Variants in PTPRD observed in about 807,000 individuals in gnomAD.
PTPRD encodes the protein receptor-type tyrosine-protein phosphatase delta.
Under a neutral mutation model 214.5 loss-of-function variants are expected in PTPRD, and 34 were observed. The ratio of observed to expected loss-of-function variants is 0.16; its 90% CI spans 0.12 to 0.21. The LOEUF is 0.21. Ranked by LOEUF, PTPRD falls within the 10% of genes least tolerant of loss-of-function variation. The probability of loss-of-function intolerance (pLI) is 1.00; values close to 1 mark genes in which losing one functional copy is unlikely to be tolerated. For synonymous variants in PTPRD, 1,128 were observed against 845.7 expected (o/e 1.33, Z -5.79); for missense variants, 2,545 against 2,398.7 (o/e 1.06, Z -1.27).
intron 10 of PTPRD, among the ~76,000 whole-genome samples, chr9:9,052,282 C>T (rs2099687441): frequency 6.6e-6 from 1 of 152,180 alleles, no homozygotes; most frequent in Admixed American, 6.5e-5. Flanking sequence ...CTAATATCAA[C>T]ATCTTGGGTG....
intron 11 of PTPRD, among the ~76,000 whole-genome samples, chr9:8,765,857 T>C (rs1295581639): frequency 6.6e-6 from 1 of 152,190 alleles, no homozygotes; most frequent in Non-Finnish European, 1.5e-5. Flanking sequence ...AGCTGTTTGA[T>C]ATTGGACAGT....
chr9:9,420,549 G>A (rs746171498), intron 8 of PTPRD, among the ~76,000 whole-genome samples: 2 of 151,842 alleles, frequency 1.3e-5, no homozygotes, highest in Non-Finnish European at 3.0e-5. Context: ...ATAACTTTGG[G>A]TCTAACAATT....
intron 4 of PTPRD, among the ~76,000 whole-genome samples, chr9:9,947,258 C>T (rs2092689723): frequency 8.5e-6 from 1 of 117,998 alleles, no homozygotes; most frequent in African/African-American, 3.3e-5. Context: ...TATCCAAATT[C>T]TTTTCTAGTT....
intron 6 of PTPRD, among the ~76,000 whole-genome samples, chr9:9,751,755 C>T (rs79856333): frequency 0.035 from 5,271 of 152,052 alleles, 128 homozygotes; most frequent in South Asian, 0.054. Flanking sequence ...TAGGAGGGGG[C>T]GTGTCTCATC....
chr9:8,901,758 G>C (rs1897671), intron 11 of PTPRD, among the ~76,000 whole-genome samples: 37,862 of 152,098 alleles, frequency 0.25, 6,880 homozygotes, highest in African/African-American at 0.5. Flanking sequence ...TGTTTCAGAT[G>C]AGCATATTCT....
At chr9:10,161,651 G>A (rs755531052) in intron 3 of PTPRD, among the ~76,000 whole-genome samples, 1 of 151,734 alleles carries the variant, frequency 6.6e-6, no homozygotes, top group Non-Finnish European at 1.5e-5. Context: ...GAATTTTCGT[G>A]TAAGACCACA....
At chr9:10,576,737 C>G (rs1315003034) in intron 2 of PTPRD, among the ~76,000 whole-genome samples, 4 of 152,134 alleles carry the variant, frequency 2.6e-5, no homozygotes, top group South Asian at 2.1e-4. Context: ...TGTTCAATAG[C>G]TCCAAGGGAA....
chr9:10,371,513 C>G (rs2097618443), intron 2 of PTPRD, among the ~76,000 whole-genome samples: 1 of 152,000 alleles, frequency 6.6e-6, no homozygotes, highest in African/African-American at 2.4e-5. Context: ...CTGCTCCAAA[C>G]TGAACAAGTT....
At chr9:9,735,435 G>C (rs1231132534) in intron 6 of PTPRD, among the ~76,000 whole-genome samples, 1 of 152,114 alleles carries the variant, frequency 6.6e-6, no homozygotes, top group Admixed American at 6.6e-5. Context: ...TTCTTTGAAA[G>C]AGAATGGAGA....
At chr9:9,002,422 G>T (rs1047932260) in intron 11 of PTPRD, among the ~76,000 whole-genome samples, 1 of 151,824 alleles carries the variant, frequency 6.6e-6, no homozygotes, top group Admixed American at 6.6e-5. Context: ...TCAACAGACG[G>T]ATACACCACT....
chr9:9,586,439 T>C (rs977011796), intron 7 of PTPRD, among the ~76,000 whole-genome samples: 3 of 152,040 alleles, frequency 2.0e-5, no homozygotes, highest in Non-Finnish European at 4.4e-5. Flanking sequence ...TTGAGTTTTA[T>C]GTACCAGGCA....
chr9:9,415,525 T>A (rs1469763748), intron 8 of PTPRD, among the ~76,000 whole-genome samples: 1 of 152,104 alleles, frequency 6.6e-6, no homozygotes, highest in Non-Finnish European at 1.5e-5. Flanking sequence ...CCCTCTCTAA[T>A]GAGATTTATG....
chr9:9,302,596 T>C (rs1955756716), intron 9 of PTPRD, among the ~76,000 whole-genome samples: 4 of 67,604 alleles, frequency 5.9e-5, no homozygotes, highest in Admixed American at 5.3e-4. Flanking sequence ...TGTAGTTTTT[T>C]TTTTCTTTTT....
At chr9:9,641,279 G>C (rs760599332) in intron 7 of PTPRD, among the ~76,000 whole-genome samples, 65 of 152,162 alleles carry the variant, frequency 4.3e-4, no homozygotes, top group Middle Eastern at 3.2e-3. Context: ...CCTTTCATCA[G>C]CTGAAAATCT....
chr9:8,657,601 C>G (rs2096938068), intron 12 of PTPRD, among the ~76,000 whole-genome samples: 2 of 152,174 alleles, frequency 1.3e-5, no homozygotes, highest in South Asian at 4.1e-4. Context: ...TCCGTTCAGT[C>G]TGGATAATAG....
chr9:9,669,625 TAA>T (rs527399926), intron 7 of PTPRD, among the ~76,000 whole-genome samples: 1 of 152,176 alleles, frequency 6.6e-6, no homozygotes, highest in Non-Finnish European at 1.5e-5. Flanking sequence ...AAATAAATTA[TAA>T]CAGTTAAAAA....
intron 3 of PTPRD, among the ~76,000 whole-genome samples, chr9:10,156,390 T>C (rs1009828034): frequency 6.6e-6 from 1 of 152,152 alleles, no homozygotes; most frequent in African/African-American, 2.4e-5. Context: ...ATTTTATTAT[T>C]TACTCAAAAG....
chr9:10,149,627 A>C (rs1166800593), intron 3 of PTPRD, among the ~76,000 whole-genome samples: 1 of 152,202 alleles, frequency 6.6e-6, no homozygotes, highest in Non-Finnish European at 1.5e-5. Context: ...GACCCAGGCC[A>C]TGCAGCCAGA....
chr9:8,443,320 T>C (rs1417503927), intron 34 of PTPRD, among the ~76,000 whole-genome samples: 7 of 152,174 alleles, frequency 4.6e-5, no homozygotes, highest in Non-Finnish European at 1.0e-4. Flanking sequence ...TAAAATAAAA[T>C]ATGAATGTAT....
Sources: gnomAD v4.1 joint callset for allele counts (sites outside exome capture counted in the v4.1 genomes callset) on GRCh38, gnomAD v4.1.1 for gene constraint, MANE v1.5 for transcripts, NCBI Gene and HGNC (gene_info 2026-07-23, HGNC 2026-07-21) for gene names.